Variants in COL4A4 observed in about 807,000 individuals in gnomAD.
COL4A4 encodes the protein collagen alpha-4(IV) chain.
COL4A4 carries 105 observed loss-of-function variants against 192.9 expected under a neutral mutation model. That is an observed-to-expected ratio of 0.54 (90% confidence interval 0.46 to 0.64). COL4A4 has a LOEUF of 0.64. Ranked by LOEUF, COL4A4 falls within the 30% of genes least tolerant of loss-of-function variation. COL4A4 has a pLI of 0.00. For missense variants in COL4A4, 1,967 were observed against 2,169.3 expected, an observed-to-expected ratio of 0.91 and a Z score of 1.85; for synonymous variants, 762 against 769.9, an observed-to-expected ratio of 0.99 and a Z score of 0.17.
chr2:227,089,794 A>T, intron 21 of COL4A4, 74 bp downstream of exon 21: 1 of 1,196,000 alleles, frequency 8.4e-7, no homozygotes, highest in Non-Finnish European at 1.2e-6. Context: ...ATGCCACATT[A>T]CACATCTCAG....
At chr2:227,124,798 T>C (rs1317320981) in intron 4 of COL4A4, among the ~76,000 whole-genome samples, 1 of 152,236 alleles carries the variant, frequency 6.6e-6, no homozygotes, top group Non-Finnish European at 1.5e-5. Flanking sequence ...TTAATTAACA[T>C]AATCTAAAAG....
chr2:227,029,424 G>T (rs1368610698), intron 41 of COL4A4, among the ~76,000 whole-genome samples: 1 of 152,196 alleles, frequency 6.6e-6, no homozygotes, highest in Non-Finnish European at 1.5e-5. Context: ...TAATACAGAT[G>T]AACAGGCTTG....
chr2:227,052,213 A>G, intron 32 of COL4A4, 92 bp downstream of exon 32: 5 of 801,390 alleles, frequency 6.2e-6, no homozygotes, highest in Non-Finnish European at 1.1e-5. Context: ...AGTCTTTTCT[A>G]ATCTCAGTGT....
At chr2:226,978,419 T>C in the COL4A4 span, among the ~76,000 whole-genome samples, 1 of 152,290 alleles carries the variant, frequency 6.6e-6, no homozygotes, top group African/African-American at 2.4e-5. Flanking sequence ...ACTGGCGGAA[T>C]ATGAAGAGTG....
At chr2:227,058,641 T>A (rs6721237) in intron 28 of COL4A4, among the ~76,000 whole-genome samples, 98,426 of 151,940 alleles carry the variant, frequency 0.65, 32,471 homozygotes, top group African/African-American at 0.77. Flanking sequence ...TTTGTAAACA[T>A]CTGATCTGTG....
chr2:227,064,758 G>A (rs767834174), intron 25 of COL4A4, among the ~76,000 whole-genome samples: 7 of 152,102 alleles, frequency 4.6e-5, no homozygotes, highest in East Asian at 3.8e-4. Context: ...AACAACTGTC[G>A]GCCAAGAATT....
At chr2:226,970,186 C>A in the COL4A4 span, among the ~76,000 whole-genome samples, 2 of 151,800 alleles carry the variant, frequency 1.3e-5, no homozygotes, top group Admixed American at 6.6e-5. Context: ...TCCTTTCTTC[C>A]CAGAATTGAA....
At chr2:226,995,401 T>C in the COL4A4 span, 22 of 1,431,276 alleles carry the variant, frequency 1.5e-5, no homozygotes, top group East Asian at 4.5e-4. Flanking sequence ...GTCAGAATGA[T>C]TGATTTTTCC....
intron 20 of COL4A4, among the ~76,000 whole-genome samples, chr2:227,092,179 A>G (rs1249289317): frequency 6.6e-6 from 1 of 152,250 alleles, no homozygotes; most frequent in Admixed American, 6.5e-5. Flanking sequence ...GCTAGGAAAC[A>G]ATAGAAAATG....
intron 1 of COL4A4, among the ~76,000 whole-genome samples, chr2:227,155,942 C>T (rs2125497068): frequency 6.6e-6 from 1 of 152,276 alleles, no homozygotes; most frequent in East Asian, 1.9e-4. Flanking sequence ...CTTCATTTCT[C>T]AGTGTGTAAA....
At chr2:227,092,152 A>G (rs1464090319) in intron 20 of COL4A4, among the ~76,000 whole-genome samples, 1 of 152,204 alleles carries the variant, frequency 6.6e-6, no homozygotes, top group Non-Finnish European at 1.5e-5. Context: ...ATGAGTTCTC[A>G]GTAGCCAACA....
At chr2:227,064,249 A>G (rs982649108) in intron 25 of COL4A4, among the ~76,000 whole-genome samples, 56 of 152,212 alleles carry the variant, frequency 3.7e-4, no homozygotes, top group African/African-American at 1.3e-3. Flanking sequence ...CAAATGAAAA[A>G]CATACTGAGG....
At chr2:227,026,367 G>A (rs977804387) in intron 42 of COL4A4, among the ~76,000 whole-genome samples, 2 of 151,966 alleles carry the variant, frequency 1.3e-5, no homozygotes, top group Admixed American at 6.6e-5. Flanking sequence ...GTGAGGTGGC[G>A]GGCGCCTGTA....
Position 227,123,459 on chromosome 2 carries a change from G to A in COL4A4, c.193-2311C>T, listed in dbSNP as rs1412634050. On this transcript the variant is annotated intron_variant, in intron 4 of 47. Coordinates refer to ENST00000396625, the MANE Select transcript of COL4A4 (RefSeq NM_000092.5). This position sits in a 1 kb window ranked among gnomAD's most constrained non-coding sequence, Gnocchi z 4.6. ...TCTCCATTTGAGAAGTGAAGGAGGT[G>A]CAGGTCAGGAACAGAGCGCGACCCA... Among the ~76,000 whole-genome samples, 1 of 152,208 alleles carries A rather than the reference G, an allele frequency of 6.6e-6. No individual in the cohort carries two copies. Among genetic ancestry groups the A allele is most frequent in the Non-Finnish European group, 1.5e-5 (1 of 68,048 alleles).
chr2:227,049,597 T>A (rs1178397402), intron 34 of COL4A4, among the ~76,000 whole-genome samples: 1 of 152,278 alleles, frequency 6.6e-6, no homozygotes, highest in African/African-American at 2.4e-5. Context: ...TCTTGGGACT[T>A]CTTAAGTGAA....
chr2:227,068,191 A>T (rs1315353085), intron 25 of COL4A4, among the ~76,000 whole-genome samples: 1 of 150,918 alleles, frequency 6.6e-6, no homozygotes, highest in African/African-American at 2.4e-5. Flanking sequence ...CTCTGAATAG[A>T]CCAATAACAG....
rs1400571996 is a variant in COL4A4, at chr2:227,045,967, T to G, written c.3289+1508A>C. On this transcript the variant is annotated intron_variant, in intron 35 of 47. Coordinates refer to ENST00000396625, the MANE Select transcript of COL4A4 (RefSeq NM_000092.5). ...TGTATATATGTATATATGTATATAT[T>G]TATATGTGTATATGTATATATTTAG... Among the ~76,000 whole-genome samples the G allele has an allele frequency of 3.5e-3, 120 of 34,378 alleles. 6 individuals carry two copies. Among genetic ancestry groups the G allele is most frequent in the African/African-American group, 0.016 (111 of 7,058 alleles). The allele number at this position is 34,378 out of a possible 152,430, so 22.6% of individuals were successfully genotyped here. A position where few individuals can be genotyped will look rare whatever the true frequency, so the allele number is the denominator to read the frequency against.
chr2:227,081,623 A>G (rs760026387), intron 23 of COL4A4, among the ~76,000 whole-genome samples: 4 of 152,176 alleles, frequency 2.6e-5, no homozygotes, highest in Non-Finnish European at 4.4e-5. Flanking sequence ...CATATGAGTC[A>G]ATTCTCCTTA....
chr2:227,043,448 A>G (rs1341805659), intron 35 of COL4A4, among the ~76,000 whole-genome samples: 2 of 152,226 alleles, frequency 1.3e-5, no homozygotes, highest in Admixed American at 1.3e-4. Flanking sequence ...GTGTTGTATC[A>G]TAAGTAATTT....
Sources: allele counts gnomAD v4.1 joint callset (sites outside exome capture counted in the v4.1 genomes callset), GRCh38; gene constraint gnomAD v4.1.1; non-coding constraint Gnocchi (gnomAD v3.1); transcripts MANE v1.5; gene names NCBI Gene and HGNC (gene_info 2026-07-23, HGNC 2026-07-21).